Variants in ENTREP2 observed in about 807,000 individuals in gnomAD.
ENTREP2 encodes protein ENTREP2.
the ENTREP2 span, among the ~76,000 whole-genome samples, chr15:29,372,219 T>TTCC: frequency 1.3e-5 from 2 of 152,086 alleles, no homozygotes; most frequent in Non-Finnish European, 2.9e-5. Context: ...ACCCCTCCTC[T>TTCC]TCCTCCTCCT....
the ENTREP2 span, among the ~76,000 whole-genome samples, chr15:29,300,193 T>TA: frequency 7.0e-6 from 1 of 143,062 alleles, no homozygotes; most frequent in Non-Finnish European, 1.5e-5. Flanking sequence ...GATGGATGGG[T>TA]AGGTAGGTGG....
At chr15:29,157,624 G>C in the ENTREP2 span, among the ~76,000 whole-genome samples, 5 of 152,188 alleles carry the variant, frequency 3.3e-5, 1 homozygote, top group East Asian at 9.7e-4. Context: ...ACTCACTGTA[G>C]TCTTAAAACA....
At chr15:29,194,974 G>T in the ENTREP2 span, 1,326 of 238,202 alleles carry the variant, frequency 5.6e-3, 18 homozygotes, top group African/African-American at 0.029. Context: ...TGAGATCGCA[G>T]AGTGAGCAAC....
the ENTREP2 span, among the ~76,000 whole-genome samples, chr15:29,426,066 AATTG>A: frequency 1.3e-5 from 2 of 151,314 alleles, no homozygotes; most frequent in East Asian, 3.9e-4. Flanking sequence ...ATAATTAAAT[AATTG>A]ATTTATTTTA....
At chr15:29,482,671 T>G in the ENTREP2 span, among the ~76,000 whole-genome samples, 2 of 152,366 alleles carry the variant, frequency 1.3e-5, no homozygotes, top group East Asian at 3.9e-4. Flanking sequence ...GCTTGATAGC[T>G]CATTTCTTTT....
chr15:29,371,542 G>A, the ENTREP2 span, among the ~76,000 whole-genome samples: 1 of 152,058 alleles, frequency 6.6e-6, no homozygotes, highest in African/African-American at 2.4e-5. Flanking sequence ...GTTAACCTGT[G>A]GGGGGAGGTG....
At chr15:29,439,267 T>A in the ENTREP2 span, among the ~76,000 whole-genome samples, 1 of 141,100 alleles carries the variant, frequency 7.1e-6, no homozygotes, top group African/African-American at 2.7e-5. Flanking sequence ...CATCTTATAG[T>A]GCTAGAAAAT....
At chr15:29,150,776 G>A in the ENTREP2 span, among the ~76,000 whole-genome samples, 3 of 152,124 alleles carry the variant, frequency 2.0e-5, no homozygotes, top group Non-Finnish European at 4.4e-5. Context: ...CTGCCACAGG[G>A]TGAATGACAA....
At chr15:29,382,005 T>C in the ENTREP2 span, among the ~76,000 whole-genome samples, 4 of 152,126 alleles carry the variant, frequency 2.6e-5, no homozygotes, top group African/African-American at 7.2e-5. Flanking sequence ...GAGAGGCACA[T>C]TGGTCTCTCA....
chr15:29,177,381 C>G, the ENTREP2 span, among the ~76,000 whole-genome samples: 4 of 152,304 alleles, frequency 2.6e-5, no homozygotes, highest in East Asian at 5.8e-4. Context: ...ATAAATGCAT[C>G]TATGAATCAA....
At chr15:29,469,677 G>A in the ENTREP2 span, among the ~76,000 whole-genome samples, 1 of 152,182 alleles carries the variant, frequency 6.6e-6, no homozygotes, top group Non-Finnish European at 1.5e-5. Context: ...GCAACAGTGT[G>A]AACGCACTCA....
At chr15:29,388,577 A>C in the ENTREP2 span, among the ~76,000 whole-genome samples, 1 of 152,200 alleles carries the variant, frequency 6.6e-6, no homozygotes, top group South Asian at 2.1e-4. Context: ...AGGGATCTAG[A>C]ACTAGAAATA....
chr15:29,354,944 G>T, the ENTREP2 span, among the ~76,000 whole-genome samples: 2 of 152,298 alleles, frequency 1.3e-5, no homozygotes, highest in East Asian at 3.9e-4. Flanking sequence ...CCTGGAGGCT[G>T]ATCTTGATGA....
At chr15:29,300,398 AATGGATGGATGG>A in the ENTREP2 span, among the ~76,000 whole-genome samples, 5 of 128,962 alleles carry the variant, frequency 3.9e-5, no homozygotes, top group Admixed American at 1.6e-4. Context: ...TAGATGGATA[AATGGATGGATGG>A]ATGGATGGAT....
chr15:29,583,758 T>C, the ENTREP2 span, among the ~76,000 whole-genome samples: 1 of 152,234 alleles, frequency 6.6e-6, no homozygotes, highest in African/African-American at 2.4e-5. Flanking sequence ...TGTGTTAATG[T>C]GCTTCAAACA....
At chr15:29,293,170 G>T in the ENTREP2 span, among the ~76,000 whole-genome samples, 2 of 152,226 alleles carry the variant, frequency 1.3e-5, no homozygotes, top group South Asian at 4.1e-4. Flanking sequence ...CCAAAGTGAA[G>T]AGATGCACTA....
the ENTREP2 span, among the ~76,000 whole-genome samples, chr15:29,412,240 T>C: frequency 6.6e-6 from 1 of 152,188 alleles, no homozygotes; most frequent in Non-Finnish European, 1.5e-5. Flanking sequence ...TTAGGTTTTA[T>C]TTAATGTCTT....
chr15:29,160,593 C>T, the ENTREP2 span, among the ~76,000 whole-genome samples: 1 of 151,352 alleles, frequency 6.6e-6, no homozygotes, highest in Non-Finnish European at 1.5e-5. Flanking sequence ...CCTGTAATCC[C>T]AGCTACTCAG....
At chr15:29,398,923 T>A in the ENTREP2 span, among the ~76,000 whole-genome samples, 2 of 151,892 alleles carry the variant, frequency 1.3e-5, no homozygotes, top group South Asian at 4.1e-4. Flanking sequence ...CCCAAATCAG[T>A]TTGCTGTTGA....
Sources: allele counts gnomAD v4.1 joint callset (sites outside exome capture counted in the v4.1 genomes callset), GRCh38; gene constraint gnomAD v4.1.1; transcripts MANE v1.5; gene names NCBI Gene and HGNC (gene_info 2026-07-23, HGNC 2026-07-21).